Variants in CNBD1 observed in about 807,000 individuals in gnomAD.
The protein encoded by CNBD1 is cyclic nucleotide binding domain containing 1.
CNBD1 carries 71 observed loss-of-function variants against 54.4 expected under a neutral mutation model. The observed-to-expected ratio is 1.30, with a 90% CI of 1.08 to 1.59. The LOEUF (loss-of-function observed/expected upper bound fraction) is 1.59, where lower values mean the gene tolerates loss of function less well. CNBD1 is among the 40% of genes most tolerant of loss of function. The pLI is 0.00. For synonymous variants in CNBD1, 182 were observed against 170.7 expected (o/e 1.07, Z -0.51); for missense variants, 659 against 518.0 (o/e 1.27, Z -2.64).
At chr8:87,199,632 A>G (rs2130792501) in intron 4 of CNBD1, among the ~76,000 whole-genome samples, 1 of 152,338 alleles carries the variant, frequency 6.6e-6, no homozygotes, top group East Asian at 1.9e-4. Context: ...GTAGATTGCT[A>G]GAATTTCTTC....
At position 86,940,132 on chromosome 8, in the gene CNBD1, C is replaced by CTTTTTTTTTTTTTTTTTT. The variant is rs10671983; in HGVS notation, c.431+380_431+397dup. On this transcript the variant is annotated intron_variant, in intron 4 of 10. Transcript: ENST00000518476. ...CTTTAAATAAACTTACCACATGTTA[C>CTTTTTTTTTTTTTTTTTT]TTTTTTTTTTTTTTTTTTTGAGACT... Among the ~76,000 whole-genome samples the CTTTTTTTTTTTTTTTTTT allele has an allele frequency of 1.1e-3, 102 of 88,720 alleles. 23 individuals are homozygous for CTTTTTTTTTTTTTTTTTT. The highest frequency in any genetic ancestry group is 4.0e-3 in the African/African-American group (87 of 21,924). The allele number at this position is 88,720 out of a possible 152,430, so 58.2% of individuals were successfully genotyped here. A position where few individuals can be genotyped will look rare whatever the true frequency, so the allele number is the denominator to read the frequency against.
intron 6 of CNBD1, among the ~76,000 whole-genome samples, chr8:87,240,837 T>A (rs1209454806): frequency 6.6e-6 from 1 of 152,092 alleles, no homozygotes; most frequent in Admixed American, 6.5e-5. Context: ...AGAGGGCTTT[T>A]TAATACCGTA....
At chr8:87,177,242 G>A (rs934756969) in intron 4 of CNBD1, among the ~76,000 whole-genome samples, 5 of 152,134 alleles carry the variant, frequency 3.3e-5, no homozygotes, top group Admixed American at 3.3e-4. Context: ...AATGTAAAAG[G>A]CAACCTTTAG....
At chr8:87,413,421 G>C (rs1807781187) in intron 2 of CNBD1, among the ~76,000 whole-genome samples, 1 of 151,978 alleles carries the variant, frequency 6.6e-6, no homozygotes, top group Admixed American at 6.6e-5. Flanking sequence ...TATTTACCTT[G>C]GTAGATTTAA....
chr8:86,890,206 T>A (rs10955091), intron 2 of CNBD1, among the ~76,000 whole-genome samples: 289 of 151,922 alleles, frequency 1.9e-3, no homozygotes, highest in African/African-American at 6.6e-3. Flanking sequence ...TACTCCTGTT[T>A]AATTGAATCT....
intron 4 of CNBD1, among the ~76,000 whole-genome samples, chr8:87,008,722 AATGGTTTTGTGC>A (rs1222203993): frequency 1.3e-5 from 2 of 152,200 alleles, no homozygotes; most frequent in African/African-American, 4.8e-5. Context: ...ATTAAGAAAG[AATGGTTTTGTGC>A]CAGAATGTTC....
At chr8:87,036,007 C>T (rs191380895) in intron 4 of CNBD1, among the ~76,000 whole-genome samples, 66 of 152,290 alleles carry the variant, frequency 4.3e-4, no homozygotes, top group Non-Finnish European at 6.9e-4. Context: ...AGTCATGTGA[C>T]TGTAAACACC....
At chr8:87,184,482 G>A (rs1056924847) in intron 4 of CNBD1, among the ~76,000 whole-genome samples, 14 of 152,034 alleles carry the variant, frequency 9.2e-5, no homozygotes, top group South Asian at 2.1e-4. Flanking sequence ...CCTTTCCCAC[G>A]CCAAACCCTC....
chr8:87,019,746 C>T (rs1248043302), intron 4 of CNBD1, among the ~76,000 whole-genome samples: 1 of 152,004 alleles, frequency 6.6e-6, no homozygotes, highest in Non-Finnish European at 1.5e-5. Flanking sequence ...GATGTGGTGG[C>T]AGGCACCTGT....
chr8:86,946,586 T>C (rs562171498), intron 4 of CNBD1, among the ~76,000 whole-genome samples: 1 of 152,290 alleles, frequency 6.6e-6, no homozygotes, highest in African/African-American at 2.4e-5. Flanking sequence ...AGTAAGTATT[T>C]AGTGTAAGTT....
intron 4 of CNBD1, among the ~76,000 whole-genome samples, chr8:86,971,911 C>T (rs2130492223): frequency 6.6e-6 from 1 of 152,122 alleles, no homozygotes; most frequent in Non-Finnish European, 1.5e-5. Context: ...TTATCTCTCA[C>T]ATAGATATAT....
At chr8:86,873,201 A>C (rs1260665142) in intron 1 of CNBD1, among the ~76,000 whole-genome samples, 10 of 151,266 alleles carry the variant, frequency 6.6e-5, no homozygotes, top group African/African-American at 2.4e-5. Flanking sequence ...TCCCGGGTTC[A>C]AGAGATTCAC....
chr8:86,892,374 A>G (rs1480172289), intron 2 of CNBD1, among the ~76,000 whole-genome samples: 1 of 152,172 alleles, frequency 6.6e-6, no homozygotes. Flanking sequence ...TCAAGCATTC[A>G]GAATTTTCCA....
At chr8:87,161,637 A>G (rs1413245354) in intron 4 of CNBD1, among the ~76,000 whole-genome samples, 1 of 152,152 alleles carries the variant, frequency 6.6e-6, no homozygotes, top group African/African-American at 2.4e-5. Context: ...TAGAAATAAT[A>G]AATTTGATGA....
chr8:87,233,641 T>C (rs1586351511), intron 5 of CNBD1, among the ~76,000 whole-genome samples: 3 of 152,180 alleles, frequency 2.0e-5, no homozygotes, highest in Admixed American at 2.0e-4. Context: ...ATTCTCTCTC[T>C]CTCTCTCCTT....
At chr8:87,144,768 C>T (rs1214417129) in intron 4 of CNBD1, among the ~76,000 whole-genome samples, 3 of 149,560 alleles carry the variant, frequency 2.0e-5, no homozygotes, top group African/African-American at 7.4e-5. Context: ...TTGCAGTGAG[C>T]CAAATTGCGC....
intron 8 of CNBD1, among the ~76,000 whole-genome samples, chr8:87,314,261 A>T (rs766853806): frequency 2.0e-5 from 3 of 151,912 alleles, no homozygotes; most frequent in Non-Finnish European, 2.9e-5. Flanking sequence ...AGAATGGCAC[A>T]CCCAAAACAA....
intron 5 of CNBD1, among the ~76,000 whole-genome samples, chr8:87,206,568 T>A (rs1185744592): frequency 6.6e-6 from 1 of 152,018 alleles, no homozygotes. Context: ...TTTTCATAGG[T>A]AAAACAGCAG....
chr8:87,101,030 A>G (rs1811419585), intron 4 of CNBD1, among the ~76,000 whole-genome samples: 1 of 152,242 alleles, frequency 6.6e-6, no homozygotes, highest in Admixed American at 6.5e-5. Flanking sequence ...TGGGGGAGAA[A>G]GATTTTAGTT....
Sources: gnomAD v4.1 joint callset for allele counts (sites outside exome capture counted in the v4.1 genomes callset) on GRCh38, gnomAD v4.1.1 for gene constraint, MANE v1.5 for transcripts, NCBI Gene and HGNC (gene_info 2026-07-23, HGNC 2026-07-21) for gene names.